DECR1: variants seen among roughly 807,000 people sequenced by gnomAD.
DECR1 encodes the protein 2,4-dienoyl-CoA reductase 1.
In DECR1, 44 loss-of-function variants were observed where a neutral mutation model predicts 38.8. The ratio of observed to expected loss-of-function variants is 1.13; its 90% CI spans 0.89 to 1.46. DECR1 has a LOEUF of 1.46. Ranked by LOEUF, DECR1 falls within the 40% of genes most tolerant of loss-of-function variation. The pLI is 0.00. For missense variants in DECR1, 428 were observed against 405.5 expected (o/e 1.06, Z -0.48); for synonymous variants, 148 against 135.2 (o/e 1.09, Z -0.66).
intron 8 of DECR1, among the ~76,000 whole-genome samples, chr8:90,045,364 G>A (rs571306460): frequency 3.9e-5 from 6 of 152,042 alleles, no homozygotes; most frequent in Non-Finnish European, 8.8e-5. Context: ...TTAGCAAACG[G>A]CACACCAGGA....
chr8:90,013,399 GTT>G (rs57505716), intron 1 of DECR1, among the ~76,000 whole-genome samples: 593 of 77,980 alleles, frequency 7.6e-3, no homozygotes, highest in African/African-American at 0.028. Flanking sequence ...CTCTTCTTTC[GTT>G]TTTTTTTTTT....
intron 5 of DECR1, among the ~76,000 whole-genome samples, chr8:90,033,911 A>C (rs1007748802): frequency 6.6e-6 from 1 of 152,102 alleles, no homozygotes; most frequent in South Asian, 2.1e-4. Flanking sequence ...TAATTTTGCT[A>C]TAAGAATGAT....
chr8:90,016,403 G>A lies in DECR1; in HGVS notation c.70-721G>A, dbSNP rs140202167. ...TGTAATCCCAGCTCTTTGGGAGGCC[G>A]AGGTGGGCAGATCATGAGGTCAGGA... On this transcript the variant is annotated intron_variant, in intron 1 of 9. Transcript: ENST00000220764. 4.8e-3 allele frequency among the ~76,000 whole-genome samples: 738 copies of A among 152,182 alleles called. 11 individuals carry two copies. Among genetic ancestry groups the A allele is most frequent in the African/African-American group, 0.017 (701 of 41,524 alleles).
intron 1 of DECR1, among the ~76,000 whole-genome samples, chr8:90,011,656 G>A (rs1432080098): frequency 3.9e-5 from 6 of 152,036 alleles, no homozygotes; most frequent in Admixed American, 1.3e-4. Context: ...TATAAGTCTT[G>A]TACTTCTTTT....
chr8:90,014,220 T>C (rs1812953434), intron 1 of DECR1, among the ~76,000 whole-genome samples: 1 of 152,222 alleles, frequency 6.6e-6, no homozygotes, highest in African/African-American at 2.4e-5. Flanking sequence ...AAAAGCCTGT[T>C]TTGTATCTAC....
At chr8:90,017,416 T>C in intron 2 of DECR1, 90 bp downstream of exon 2, 1 of 894,936 alleles carries the variant, frequency 1.1e-6, no homozygotes, top group Non-Finnish European at 1.7e-6. Flanking sequence ...CAGAGTTGTT[T>C]GATTAGCATC....
rs974193934 is a variant in DECR1, at chr8:90,017,154, C to T, written c.100C>T (p.Gln34Ter). ...CAGTTATGGGACAAAAATATTATAT[C>T]AAAACACTGAAGCTTTGCAATCTAA... ...FFSYGTKILY[Q>*]NTEALQSKFF... The change falls in exon 2 of 10, where the codon CAA (glutamine) becomes TAA (stop). Residue 34 changes from glutamine (Q) to a stop codon, truncating the protein, a stop_gained. Coordinates refer to ENST00000220764, the MANE Select transcript of DECR1 (RefSeq NM_001359.2). LOFTEE classifies it high-confidence loss of function. 4.3e-6 allele frequency: 7 copies of T among 1,613,766 alleles called. No individual in the cohort carries two copies. The highest frequency in any genetic ancestry group is 5.9e-6 in the Non-Finnish European group (7 of 1,179,756).
At chr8:90,022,792 G>T (rs1813198399) in intron 5 of DECR1, among the ~76,000 whole-genome samples, 1 of 150,600 alleles carries the variant, frequency 6.6e-6, no homozygotes. Context: ...TTCTTCCCTC[G>T]CTCATCTCTG....
intron 5 of DECR1, 103 bp downstream of exon 5, chr8:90,021,159 G>T (rs1226477431): frequency 6.2e-6 from 5 of 811,646 alleles, no homozygotes; most frequent in Non-Finnish European, 7.1e-6. Flanking sequence ...GTCTACACTT[G>T]TACAACTCAC....
intron 5 of DECR1, among the ~76,000 whole-genome samples, chr8:90,022,847 G>A (rs1813200320): frequency 6.6e-6 from 1 of 151,388 alleles, no homozygotes; most frequent in Non-Finnish European, 1.5e-5. Context: ...CCTCATTATT[G>A]TCTTTCATTT....
chr8:90,043,802 C>G (rs1295175231), intron 7 of DECR1, among the ~76,000 whole-genome samples: 1 of 152,136 alleles, frequency 6.6e-6, no homozygotes, highest in African/African-American at 2.4e-5. Flanking sequence ...TAAAAACATA[C>G]ATTAAAACAC....
chr8:90,010,464 C>A (rs1287975088), intron 1 of DECR1, among the ~76,000 whole-genome samples: 2 of 152,204 alleles, frequency 1.3e-5, no homozygotes, highest in Non-Finnish European at 2.9e-5. Flanking sequence ...AGAATGCACG[C>A]ATGGCCTTCT....
intron 1 of DECR1, among the ~76,000 whole-genome samples, chr8:90,013,405 T>G (rs896619514): frequency 1.4e-4 from 20 of 139,500 alleles, no homozygotes; most frequent in Non-Finnish European, 2.9e-4. Flanking sequence ...TTTCGTTTTT[T>G]TTTTTTTTTT....
At chr8:90,013,987 G>A (rs1812948654) in intron 1 of DECR1, among the ~76,000 whole-genome samples, 1 of 152,042 alleles carries the variant, frequency 6.6e-6, no homozygotes, top group South Asian at 2.1e-4. Context: ...GGATGAGTAT[G>A]GTGAGGAAGG....
At chr8:90,019,975 T>C (rs1168422875) in intron 4 of DECR1, among the ~76,000 whole-genome samples, 1 of 152,238 alleles carries the variant, frequency 6.6e-6, no homozygotes, top group Non-Finnish European at 1.5e-5. Flanking sequence ...TGATTGATGC[T>C]TTTTGCTTCT....
At chr8:90,017,422 G>A (rs1033699723) in intron 2 of DECR1, 96 bp downstream of exon 2, 4 of 837,056 alleles carry the variant, frequency 4.8e-6, no homozygotes, top group Non-Finnish European at 7.3e-6. Context: ...TGTTTGATTA[G>A]CATCTTAATC....
chr8:90,040,676 A>G (rs933483740), intron 6 of DECR1, among the ~76,000 whole-genome samples: 1 of 152,044 alleles, frequency 6.6e-6, no homozygotes, highest in Non-Finnish European at 1.5e-5. Flanking sequence ...TCCTGTGTCC[A>G]TGTGTTCTCA....
chr8:90,009,175 C>G (rs4961167), intron 1 of DECR1, among the ~76,000 whole-genome samples: 54,817 of 151,854 alleles, frequency 0.36, 9,965 homozygotes, highest in East Asian at 0.45. Context: ...GCCCCTGTCT[C>G]CCTCCTTCCT....
chr8:90,028,491 C>G (rs1242771695), intron 5 of DECR1, among the ~76,000 whole-genome samples: 1 of 151,952 alleles, frequency 6.6e-6, no homozygotes, highest in African/African-American at 2.4e-5. Flanking sequence ...ACATGGATTA[C>G]TTTATACCAG....
Sources: gnomAD v4.1 joint callset for allele counts (sites outside exome capture counted in the v4.1 genomes callset) on GRCh38, gnomAD v4.1.1 for gene constraint, MANE v1.5 for transcripts, NCBI Gene and HGNC (gene_info 2026-07-23, HGNC 2026-07-21) for gene names.